Variants in GLDC observed in about 807,000 individuals in gnomAD.
GLDC encodes the protein glycine decarboxylase.
GLDC carries 104 observed loss-of-function variants against 121.3 expected under a neutral mutation model. The observed-to-expected ratio is 0.86, with a 90% confidence interval of 0.73 to 1.01. GLDC has a LOEUF of 1.01. GLDC is among the 50% of genes least tolerant of loss of function. The probability of loss-of-function intolerance (pLI) is 0.00; values close to 1 mark genes in which losing one functional copy is unlikely to be tolerated. For missense variants in GLDC, 1,429 were observed against 1,306.6 expected (o/e 1.09, Z -1.44); for synonymous variants, 546 against 480.6 (o/e 1.14, Z -1.78).
At chr9:6,579,304 C>G (rs1818130651) in intron 15 of GLDC, among the ~76,000 whole-genome samples, 1 of 152,020 alleles carries the variant, frequency 6.6e-6, no homozygotes, top group Non-Finnish European at 1.5e-5. Flanking sequence ...TTTGGTTATA[C>G]AATTTTTTTT....
intron 15 of GLDC, chr9:6,566,488 C>T (rs1382951991): frequency 2.0e-5 from 3 of 152,190 alleles, no homozygotes; most frequent in African/African-American, 7.2e-5. Context: ...TAATGTGACA[C>T]CATTCCTGGC....
At chr9:6,580,391 G>A (rs139052156) in intron 15 of GLDC, among the ~76,000 whole-genome samples, 1 of 152,276 alleles carries the variant, frequency 6.6e-6, no homozygotes, top group Non-Finnish European at 1.5e-5. Context: ...CCCAGAACCA[G>A]GGATTCCGCC....
At chr9:6,555,459 G>A (rs1408760922) in intron 18 of GLDC, among the ~76,000 whole-genome samples, 9 of 151,222 alleles carry the variant, frequency 6.0e-5, no homozygotes, top group African/African-American at 2.2e-4. Flanking sequence ...CCAAAGAAAG[G>A]CTCTAAAATG....
intron 15 of GLDC, among the ~76,000 whole-genome samples, chr9:6,584,326 C>A (rs1818224822): frequency 1.3e-5 from 2 of 152,210 alleles, no homozygotes. Context: ...AATTCTCCCT[C>A]TGTGCAGAGT....
chr9:6,541,824 C>T (rs1230615821), intron 21 of GLDC: 1 of 736 alleles, frequency 1.4e-3, no homozygotes, highest in African/African-American at 0.011. Context: ...GAGACTTCAT[C>T]TCAAAAAAAA....
chr9:6,544,385 G>A (rs1016971994), intron 21 of GLDC, among the ~76,000 whole-genome samples: 2 of 152,046 alleles, frequency 1.3e-5, no homozygotes, highest in African/African-American at 4.8e-5. Context: ...AGGCAAAGTC[G>A]CTGTTTGTCT....
At chr9:6,555,956 C>A (rs181029988) in intron 18 of GLDC, among the ~76,000 whole-genome samples, 197 bp downstream of exon 18, 2 of 152,296 alleles carry the variant, frequency 1.3e-5, no homozygotes, top group East Asian at 3.9e-4. Context: ...CCCTTTGAGC[C>A]CCCATTTCAC....
intron 2 of GLDC, among the ~76,000 whole-genome samples, chr9:6,636,303 C>CAAAA (rs199905592): frequency 9.9e-6 from 1 of 100,824 alleles, no homozygotes; most frequent in Non-Finnish European, 2.2e-5. Flanking sequence ...GACTCCGTCT[C>CAAAA]AAAAAAAAAA....
chr9:6,558,183 G>T (rs975055985), intron 17 of GLDC: 3 of 471,256 alleles, frequency 6.4e-6, no homozygotes, highest in African/African-American at 1.9e-5. Context: ...CACAGTCATG[G>T]ATATTTGCAA....
chr9:6,607,043 G>A lies in GLDC; in HGVS notation c.636-374C>T, dbSNP rs561863969. 9.9e-5 allele frequency among the ~76,000 whole-genome samples: 15 copies of A among 151,504 alleles called. 1 individual carries two copies. The highest frequency in any genetic ancestry group is 8.3e-4 in the South Asian group (4 of 4,796). ...GCACCGCTGCTGCACTCCATCCTGC[G>A]TAAGACGAGCAAAACTCTGTCTCAA... On this transcript the variant is annotated intron_variant, in intron 4 of 24. Coordinates refer to ENST00000321612, the MANE Select transcript of GLDC (RefSeq NM_000170.3).
In GLDC at chr9:6,532,662, T is replaced by C. The variant is rs1273459008; in HGVS notation, c.*355A>G. On this transcript the variant is annotated 3_prime_UTR_variant, in exon 25 of 25. Transcript: ENST00000321612. The stretch of plus-strand genomic sequence containing the variant: ...CACAGATGGCACAGTCCACATGGAC[T>C]CTTTTGGAACAAAAAAATGTCTATT... The C allele has an allele frequency of 6.6e-6, 2 of 301,084 alleles. No homozygotes were observed. Among genetic ancestry groups the C allele is most frequent in the Admixed American group, 4.4e-5 (1 of 22,728 alleles). 18.7% of individuals were successfully genotyped at this position (301,084 alleles called of 1,614,324 possible). A position where few individuals can be genotyped will look rare whatever the true frequency, so the allele number is the denominator to read the frequency against.
intron 3 of GLDC, among the ~76,000 whole-genome samples, chr9:6,614,044 T>G (rs1818916881): frequency 6.6e-6 from 1 of 152,000 alleles, no homozygotes. Flanking sequence ...CCCAAAGTGC[T>G]GGGATTACAG....
intron 20 of GLDC, among the ~76,000 whole-genome samples, chr9:6,552,984 T>C (rs1442838655): frequency 6.6e-6 from 1 of 150,388 alleles, no homozygotes; most frequent in Non-Finnish European, 1.5e-5. Flanking sequence ...CTCAGCAAAG[T>C]GGAATAATTA....
At chr9:6,574,463 T>C (rs2129789242) in intron 15 of GLDC, among the ~76,000 whole-genome samples, 2 of 144,894 alleles carry the variant, frequency 1.4e-5, no homozygotes, top group Admixed American at 7.0e-5. Context: ...CAAGACTCCG[T>C]CTCAAAAAAA....
chr9:6,580,495 C>T (rs1253867043), intron 15 of GLDC, among the ~76,000 whole-genome samples: 1 of 152,174 alleles, frequency 6.6e-6, no homozygotes, highest in African/African-American at 2.4e-5. Context: ...ATGTAGGGCT[C>T]AGCATACCTT....
At chr9:6,615,234 T>C (rs997410880) in intron 3 of GLDC, among the ~76,000 whole-genome samples, 1 of 152,204 alleles carries the variant, frequency 6.6e-6, no homozygotes, top group African/African-American at 2.4e-5. Flanking sequence ...TTTGAATTCA[T>C]AAGACATTCA....
intron 16 of GLDC, among the ~76,000 whole-genome samples, chr9:6,560,651 A>G (rs1439962897): frequency 6.6e-6 from 1 of 152,226 alleles, no homozygotes; most frequent in Non-Finnish European, 1.5e-5. Context: ...AAATAAATAT[A>G]AAATATTCAT....
At chr9:6,553,315 C>A (rs1341163316) in intron 20 of GLDC, 53 bp downstream of exon 20, 1 of 1,548,240 alleles carries the variant, frequency 6.5e-7, no homozygotes, top group Non-Finnish European at 8.9e-7. Flanking sequence ...GGTCCCCATG[C>A]ATGCCTGACG....
At chr9:6,620,787 G>T (rs1397895177) in intron 2 of GLDC, among the ~76,000 whole-genome samples, 1 of 152,120 alleles carries the variant, frequency 6.6e-6, no homozygotes, top group Non-Finnish European at 1.5e-5. Flanking sequence ...GTTCTACTCA[G>T]TTGCACATTC....
Sources: gnomAD v4.1 joint callset for allele counts (sites outside exome capture counted in the v4.1 genomes callset) on GRCh38, gnomAD v4.1.1 for gene constraint, MANE v1.5 for transcripts, NCBI Gene and HGNC (gene_info 2026-07-23, HGNC 2026-07-21) for gene names.